The following DCDC2C variants were observed in gnomAD, a reference collection of about 807,000 sequenced individuals.
DCDC2C encodes the protein doublecortin domain containing 2C, also known as doublecortin domain-containing protein 2C.
In DCDC2C, 44 loss-of-function variants were observed where a neutral mutation model predicts 45.0. That is an observed-to-expected ratio of 0.98 (90% CI 0.77 to 1.26). The LOEUF is 1.26. DCDC2C is among the 50% of genes most tolerant of loss of function. DCDC2C has a pLI of 0.00. For synonymous variants in DCDC2C, 187 were observed against 178.8 expected (o/e 1.05, Z -0.37); for missense variants, 447 against 468.9 (o/e 0.95, Z 0.43).
At chr2:3,798,038 A>G (rs1338201007) in intron 10 of DCDC2C, among the ~76,000 whole-genome samples, 2 of 151,998 alleles carry the variant, frequency 1.3e-5, no homozygotes, top group Admixed American at 6.6e-5. Flanking sequence ...GACTTGCTTT[A>G]TGAATCTGGG....
chr2:3,706,849 G>A (rs1377444225), intron 1 of DCDC2C, among the ~76,000 whole-genome samples: 1 of 152,180 alleles, frequency 6.6e-6, no homozygotes, highest in African/African-American at 2.4e-5. Flanking sequence ...TTTAATCCTG[G>A]CTTTGTCTAC....
At position 3,703,919 on chromosome 2, in the gene DCDC2C, C is replaced by A; in HGVS notation, c.168C>A (p.Val56=). ...LLEQLTEQVD[V]PFGVRRLFTP... is the part of the protein sequence containing the mutation. ...AGCAGCTCACGGAGCAGGTGGACGT[C>A]CCGTTCGGCGTGCGCCGCCTCTTCA... Residue 56 remains valine, a synonymous_variant, in exon 1 of 11, where the codon GTC becomes GTA. Transcript: ENST00000399143. This position sits in a 1 kb window ranked among gnomAD's most constrained non-coding sequence, Gnocchi z 4.4. 1 of 1,340,400 alleles carries A rather than the reference C, an allele frequency of 7.5e-7. No homozygotes were observed. Among genetic ancestry groups the A allele is most frequent in the South Asian group, 1.9e-5 (1 of 53,708 alleles). 83.0% of individuals were successfully genotyped at this position (1,340,400 alleles called of 1,614,324 possible).
At chr2:3,821,753 C>T (rs1208370502) in intron 10 of DCDC2C, among the ~76,000 whole-genome samples, 2 of 152,224 alleles carry the variant, frequency 1.3e-5, no homozygotes, top group East Asian at 3.8e-4. Flanking sequence ...CATGAATCAG[C>T]TGTTTATCCA....
chr2:3,799,105 C>A (rs1262991412), intron 10 of DCDC2C, among the ~76,000 whole-genome samples: 2 of 152,150 alleles, frequency 1.3e-5, no homozygotes, highest in Non-Finnish European at 2.9e-5. Context: ...TCCCTTCTCA[C>A]TTTATTTCCT....
Position 3,818,602 on chromosome 2 carries a change from C to T in DCDC2C, c.1066-28552C>T, listed in dbSNP as rs971233178. On this transcript the variant is annotated intron_variant, in intron 10 of 10. Transcript: ENST00000399143. The surrounding 1 kb of genome is among the most constrained non-coding windows in gnomAD (Gnocchi z 4.7). ...TTTAAAAGGCCATGCTGTTAATAGG[C>T]GAGTGGTAACAGGCTTTAATCCTTT... Among the ~76,000 whole-genome samples the T allele has an allele frequency of 3.3e-5, 5 of 152,146 alleles. No homozygotes were observed. The highest frequency in any genetic ancestry group is 1.9e-4 in the East Asian group (1 of 5,180).
intron 2 of DCDC2C, among the ~76,000 whole-genome samples, chr2:3,716,608 A>C (rs1668357077): frequency 6.6e-6 from 1 of 152,184 alleles, no homozygotes. Flanking sequence ...GAGTTTTTCT[A>C]AGAAGTGACA....
At chr2:3,754,700 G>A in intron 6 of DCDC2C, 66 bp downstream of exon 6, 1 of 1,428,710 alleles carries the variant, frequency 7.0e-7, no homozygotes, top group Non-Finnish European at 9.6e-7. Context: ...GCATTAACAA[G>A]GGCACAGCGC....
At chr2:3,783,223 G>C (rs940405211) in intron 9 of DCDC2C, among the ~76,000 whole-genome samples, 2 of 152,210 alleles carry the variant, frequency 1.3e-5, no homozygotes. Context: ...TAAAGAGAGA[G>C]AGGGACAGGA....
At chr2:3,837,884 G>A (rs968382444) in intron 10 of DCDC2C, among the ~76,000 whole-genome samples, 4 of 152,158 alleles carry the variant, frequency 2.6e-5, no homozygotes, top group Admixed American at 6.5e-5. Flanking sequence ...CAGAGGATGC[G>A]GACACATATC....
chr2:3,795,649 C>T (rs1393479191), intron 10 of DCDC2C, among the ~76,000 whole-genome samples: 3 of 104,698 alleles, frequency 2.9e-5, no homozygotes, highest in African/African-American at 1.2e-4. Flanking sequence ...GCTTGTTTTT[C>T]TCAGGTTTGT....
At chr2:3,739,470 G>A (rs1200201873) in intron 3 of DCDC2C, among the ~76,000 whole-genome samples, 3 of 152,310 alleles carry the variant, frequency 2.0e-5, no homozygotes, top group East Asian at 1.9e-4. Context: ...GCTGGACGTC[G>A]GGAGGAGCAC....
chr2:3,806,941 G>C (rs1355602039), intron 10 of DCDC2C, among the ~76,000 whole-genome samples: 1 of 152,124 alleles, frequency 6.6e-6, no homozygotes, highest in Non-Finnish European at 1.5e-5. Flanking sequence ...TTGCGACGGA[G>C]TCCTTGGTGA....
intron 5 of DCDC2C, among the ~76,000 whole-genome samples, chr2:3,753,642 A>G (rs1215559850): frequency 6.6e-6 from 1 of 152,200 alleles, no homozygotes; most frequent in Non-Finnish European, 1.5e-5. Context: ...AGATGGTTTG[A>G]ACACCATGCA....
chr2:3,806,911 A>G (rs10195076), intron 10 of DCDC2C, among the ~76,000 whole-genome samples: 107,622 of 151,792 alleles, frequency 0.71, 38,300 homozygotes, highest in East Asian at 0.91. Context: ...AGGCATTGTG[A>G]TTTTCAGTTG....
chr2:3,838,756 G>A (rs1672142965), intron 10 of DCDC2C, among the ~76,000 whole-genome samples: 1 of 152,150 alleles, frequency 6.6e-6, no homozygotes, highest in African/African-American at 2.4e-5. Context: ...CCTCAGGAGA[G>A]TCACACTCTG....
chr2:3,787,638 A>G (rs1670688573), intron 10 of DCDC2C, among the ~76,000 whole-genome samples: 1 of 152,250 alleles, frequency 6.6e-6, no homozygotes, highest in South Asian at 2.1e-4. Context: ...AATTAAGAAT[A>G]CTTTGTTAAA....
intron 7 of DCDC2C, among the ~76,000 whole-genome samples, chr2:3,768,147 T>C (rs1670065443): frequency 6.6e-6 from 1 of 152,190 alleles, no homozygotes; most frequent in African/African-American, 2.4e-5. Flanking sequence ...ACACCAGGAC[T>C]GAGTATCTTC....
At chr2:3,750,488 A>T (rs1669513018) in intron 4 of DCDC2C, among the ~76,000 whole-genome samples, 1 of 152,018 alleles carries the variant, frequency 6.6e-6, no homozygotes, top group Non-Finnish European at 1.5e-5. Flanking sequence ...GGACATTCTA[A>T]TCTTGTCCTT....
intron 3 of DCDC2C, among the ~76,000 whole-genome samples, chr2:3,732,287 G>A (rs1668894576): frequency 1.3e-5 from 2 of 152,124 alleles, no homozygotes; most frequent in South Asian, 4.2e-4. Flanking sequence ...CTGTGTCATG[G>A]CATCACCCGC....
Sources: allele counts gnomAD v4.1 joint callset (sites outside exome capture counted in the v4.1 genomes callset), GRCh38; gene constraint gnomAD v4.1.1; non-coding constraint Gnocchi (gnomAD v3.1); transcripts MANE v1.5; gene names NCBI Gene and HGNC (gene_info 2026-07-23, HGNC 2026-07-21).